The following ADSS2 variants were observed in gnomAD, a reference collection of about 807,000 sequenced individuals.
ADSS2 encodes the protein adenylosuccinate synthetase isozyme 2.
ADSS2 carries 30 observed loss-of-function variants against 60.0 expected under a neutral mutation model. The ratio of observed to expected loss-of-function variants is 0.50; its 90% CI spans 0.37 to 0.68. ADSS2 has a LOEUF of 0.68. ADSS2 is among the 30% of genes least tolerant of loss of function. The pLI is 0.00. For missense variants in ADSS2, 373 were observed against 554.8 expected (o/e 0.67, Z 3.29); for synonymous variants, 187 against 193.1 (o/e 0.97, Z 0.26).
intron 11 of ADSS2, among the ~76,000 whole-genome samples, chr1:244,412,110 T>C (rs1210423450): frequency 1.3e-5 from 2 of 152,282 alleles, no homozygotes; most frequent in South Asian, 2.1e-4. Flanking sequence ...CCCATATCCA[T>C]TGACTTGTCA....
rs1665601230 is a variant in ADSS2 at position 244,451,515 on chromosome 1, C to G, written c.183+120G>C. 1 of 1,132,028 alleles carries G rather than the reference C, an allele frequency of 8.8e-7. No homozygotes were observed. Among genetic ancestry groups the G allele is most frequent in the Non-Finnish European group, 1.2e-6 (1 of 815,238 alleles). 70.1% of individuals were successfully genotyped at this position (1,132,028 alleles called of 1,614,324 possible). A position where few individuals can be genotyped will look rare whatever the true frequency, so the allele number is the denominator to read the frequency against. On this transcript the variant is annotated intron_variant, in intron 1 of 12. Coordinates refer to ENST00000366535, the MANE Select transcript of ADSS2 (RefSeq NM_001126.5). The surrounding 1 kb of genome is among the most constrained non-coding windows in gnomAD (Gnocchi z 6.6). Reference sequence around the variant, plus strand: ...AGCTCAGGACAGGAGGAGAGAGCCTCAAGGTGACACCTCATTTTGGCCAGT... The same window carrying G: ...AGCTCAGGACAGGAGGAGAGAGCCTGAAGGTGACACCTCATTTTGGCCAGT...
chr1:244,418,247 T>G (rs567313119), intron 9 of ADSS2, among the ~76,000 whole-genome samples: 4 of 152,360 alleles, frequency 2.6e-5, no homozygotes, highest in Admixed American at 2.6e-4. Flanking sequence ...TGCCCCTTTC[T>G]GCTTAAAGCT....
intron 1 of ADSS2, among the ~76,000 whole-genome samples, chr1:244,444,368 A>G (rs1272145194): frequency 6.7e-6 from 1 of 149,214 alleles, no homozygotes; most frequent in Non-Finnish European, 1.5e-5. Context: ...ACAAAAAATT[A>G]GCCGGGCGTA....
intron 1 of ADSS2, among the ~76,000 whole-genome samples, chr1:244,446,390 T>C (rs994562333): frequency 6.6e-6 from 1 of 152,336 alleles, no homozygotes; most frequent in Non-Finnish European, 1.5e-5. Context: ...TTTAACTATG[T>C]AGCAGTAACC....
At chr1:244,443,463 G>A (rs773450546) in intron 1 of ADSS2, among the ~76,000 whole-genome samples, 11 of 152,172 alleles carry the variant, frequency 7.2e-5, no homozygotes, top group African/African-American at 9.7e-5. Flanking sequence ...GAATCTCAAC[G>A]TTGTTTCTGG....
At chr1:244,410,036 A>G (rs1664377246) in intron 12 of ADSS2, among the ~76,000 whole-genome samples, 1 of 152,226 alleles carries the variant, frequency 6.6e-6, no homozygotes, top group Non-Finnish European at 1.5e-5. Flanking sequence ...TGCCCACTAC[A>G]GGAGTCTATG....
chr1:244,451,860 C>A lies in ADSS2; in HGVS notation c.-43G>T, dbSNP rs1665628256. 2.7e-6 allele frequency: 4 copies of A among 1,505,642 alleles called. No individual in the cohort carries two copies. In the East Asian group the frequency reaches 9.8e-5, roughly 37 times the overall value. 93.3% of individuals were successfully genotyped at this position (1,505,642 alleles called of 1,614,324 possible). A position where few individuals can be genotyped will look rare whatever the true frequency, so the allele number is the denominator to read the frequency against. On this transcript the variant is annotated 5_prime_UTR_variant, in exon 1 of 13. Coordinates refer to ENST00000366535, the MANE Select transcript of ADSS2 (RefSeq NM_001126.5). The surrounding 1 kb of genome is among the most constrained non-coding windows in gnomAD (Gnocchi z 6.6). ...GAGAGCCCGAAGGAGAGGCGGCCGG[C>A]GAGGAGTGAGCGAACTGAACTGCTC... is the stretch of plus-strand genomic sequence containing the variant.
chr1:244,422,947 C>T, intron 6 of ADSS2, 31 bp from the exon 7 acceptor site: 1 of 1,354,514 alleles, frequency 7.4e-7, no homozygotes, highest in Non-Finnish European at 1.0e-6. Context: ...AAGACATTAC[C>T]ACTCTGTGAA....
chr1:244,422,958 A>G (rs780722985), intron 6 of ADSS2, 42 bp from the exon 7 acceptor site: 1 of 1,218,406 alleles, frequency 8.2e-7, no homozygotes, highest in Non-Finnish European at 1.2e-6. Flanking sequence ...ACTCTGTGAA[A>G]AATATTTCAA....
intron 4 of ADSS2, among the ~76,000 whole-genome samples, chr1:244,426,696 C>T (rs1403130580): frequency 6.6e-6 from 1 of 152,088 alleles, no homozygotes; most frequent in Admixed American, 6.6e-5. Flanking sequence ...ACTTTGCTTG[C>T]TTTCTCACAT....
chr1:244,437,169 T>C (rs1333840050), intron 2 of ADSS2, among the ~76,000 whole-genome samples: 1 of 152,180 alleles, frequency 6.6e-6, no homozygotes, highest in Non-Finnish European at 1.5e-5. Context: ...TCACAGTACA[T>C]GCTAAATCAG....
intron 4 of ADSS2, among the ~76,000 whole-genome samples, chr1:244,430,355 G>A (rs903598049): frequency 6.6e-6 from 1 of 152,182 alleles, no homozygotes; most frequent in Non-Finnish European, 1.5e-5. Context: ...GGAGAATCCA[G>A]ACAGGAACAG....
At position 244,409,330 on chromosome 1, in the gene ADSS2, G is replaced by GAAA. The variant is rs76040005; in HGVS notation, c.*253_*255dup. The GAAA allele has an allele frequency of 4.0e-4, 124 of 309,892 alleles. No homozygotes were observed. Among genetic ancestry groups the GAAA allele is most frequent in the East Asian group, 8.5e-4 (15 of 17,568 alleles). The allele number at this position is 309,892 out of a possible 1,614,324, so 19.2% of individuals were successfully genotyped here. A position where few individuals can be genotyped will look rare whatever the true frequency, so the allele number is the denominator to read the frequency against. On this transcript the variant is annotated 3_prime_UTR_variant, in exon 13 of 13. Transcript: ENST00000366535. ...ATGGATTATACTATTACTAAACATT[G>GAAA]AAAAAAAAAACGTGGCACCATGAGA...
intron 1 of ADSS2, among the ~76,000 whole-genome samples, chr1:244,444,538 A>G (rs1037538155): frequency 7.5e-6 from 1 of 133,958 alleles, no homozygotes; most frequent in Admixed American, 7.6e-5. Flanking sequence ...AAAAAAAAAG[A>G]TGAAATACAA....
chr1:244,447,848 G>C (rs1665432649), intron 1 of ADSS2, among the ~76,000 whole-genome samples: 1 of 152,056 alleles, frequency 6.6e-6, no homozygotes, highest in Admixed American at 6.5e-5. Context: ...AATTTCCAGG[G>C]GTGATCTTGC....
At chr1:244,441,260 A>G (rs374334213) in intron 1 of ADSS2, among the ~76,000 whole-genome samples, 41 of 152,018 alleles carry the variant, frequency 2.7e-4, no homozygotes, top group East Asian at 7.8e-4. Flanking sequence ...GGGTTTCACC[A>G]TGTTAGCCAG....
intron 4 of ADSS2, among the ~76,000 whole-genome samples, chr1:244,425,348 G>C (rs935898210): frequency 3.3e-5 from 5 of 152,144 alleles, no homozygotes; most frequent in African/African-American, 1.2e-4. Context: ...ACAATTTACT[G>C]ATTTTTAGCA....
At chr1:244,421,816 CA>C (rs954326219) in intron 7 of ADSS2, among the ~76,000 whole-genome samples, 1 of 150,488 alleles carries the variant, frequency 6.6e-6, no homozygotes, top group Non-Finnish European at 1.5e-5. Flanking sequence ...CCATCTCTAC[CA>C]AAAAAAAACC....
intron 4 of ADSS2, chr1:244,424,797 A>T (rs749995465): frequency 1.7e-5 from 3 of 174,934 alleles, no homozygotes; most frequent in Admixed American, 1.2e-4. Flanking sequence ...GCAGTCTCCT[A>T]ATGTGTGTAC....
Sources: allele counts gnomAD v4.1 joint callset (sites outside exome capture counted in the v4.1 genomes callset), GRCh38; gene constraint gnomAD v4.1.1; non-coding constraint Gnocchi (gnomAD v3.1); transcripts MANE v1.5; gene names NCBI Gene and HGNC (gene_info 2026-07-23, HGNC 2026-07-21).